C8B: variants seen among roughly 807,000 people sequenced by gnomAD.
C8B encodes complement component C8 beta chain.
C8B carries 67 observed loss-of-function variants against 64.6 expected under a neutral mutation model. The ratio of observed to expected loss-of-function variants is 1.04; its 90% CI spans 0.85 to 1.27. The LOEUF is 1.27. C8B is among the 50% of genes most tolerant of loss of function. The pLI is 0.00. For missense variants in C8B, 790 were observed against 725.2 expected (o/e 1.09, Z -1.03); for synonymous variants, 284 against 257.7 (o/e 1.10, Z -0.98).
chr1:56,941,080 C>A (rs1644847570), intron 8 of C8B, 68 bp from the exon 9 acceptor site: 1 of 1,559,602 alleles, frequency 6.4e-7, no homozygotes, highest in Non-Finnish European at 8.8e-7. Context: ...TGCTGCAACC[C>A]AACCAACAAT....
At chr1:56,938,424 T>C (rs1420188386) in intron 9 of C8B, among the ~76,000 whole-genome samples, 1 of 152,264 alleles carries the variant, frequency 6.6e-6, no homozygotes, top group Non-Finnish European at 1.5e-5. Context: ...TCAGCTTTTA[T>C]TTCATAAATT....
chr1:56,956,812 G>T lies in C8B; in HGVS notation c.348C>A (p.Cys116Ter), dbSNP rs753002884. Residue 116 changes from cysteine to a stop codon, truncating the protein, a stop_gained, in exon 3 of 12, where the codon TGC (cysteine) becomes TGA (stop). Transcript: ENST00000371237. LOFTEE classifies it high-confidence loss of function. Reference sequence around the variant, plus strand: ...AGCCTTCACATCGCACTTGACTTCCGCATGGTCTGTTGGTAACACAGTCTT... The same window carrying T: ...AGCCTTCACATCGCACTTGACTTCCTCATGGTCTGTTGGTAACACAGTCTT... ...EVEDCVTNRP[C>*]GSQVRCEGFV... The T allele has an allele frequency of 6.2e-7, 1 of 1,613,998 alleles. No homozygotes were observed. Among genetic ancestry groups the T allele is most frequent in the Non-Finnish European group, 8.5e-7 (1 of 1,179,976 alleles).
intron 10 of C8B, among the ~76,000 whole-genome samples, chr1:56,932,860 T>G (rs1367640976): frequency 6.6e-6 from 1 of 152,102 alleles, no homozygotes; most frequent in African/African-American, 2.4e-5. Context: ...GCTGGCCTCT[T>G]TTTTAGAGTC....
At chr1:56,939,359 G>T (rs1448764617) in intron 9 of C8B, among the ~76,000 whole-genome samples, 1 of 152,184 alleles carries the variant, frequency 6.6e-6, no homozygotes, top group Non-Finnish European at 1.5e-5. Flanking sequence ...TGTTGAGTAA[G>T]TGCAAAGGAG....
At position 56,940,903 on chromosome 1, in the gene C8B, C is replaced by T. The variant is rs745400077; in HGVS notation, c.1344G>A (p.Leu448=). The T allele has an allele frequency of 2.5e-6, 4 of 1,614,058 alleles. No homozygotes were observed. Among genetic ancestry groups the T allele is most frequent in the South Asian group, 1.1e-5 (1 of 91,070 alleles). ...LAYQELPTAD[L]MQEWGDAVQY... ...GCACAGCGTCTCCCCACTCCTGCAT[C>T]AGGTCCGCCGTCGGCAGCTCCTGGT... Residue 448 remains leucine, a synonymous_variant, in exon 9 of 12, where the codon CTG becomes CTA. Coordinates refer to ENST00000371237, the MANE Select transcript of C8B (RefSeq NM_000066.4).
rs369517511 is a variant in C8B at position 56,954,709 on chromosome 1, C to G, written c.510G>C (p.Trp170Cys). 6 of 1,614,066 alleles carry G rather than the reference C, an allele frequency of 3.7e-6. No homozygotes were observed. In the African/African-American group the frequency reaches 8.0e-5, roughly 22 times the overall value. The change falls in exon 4 of 12, where the codon TGG (tryptophan) becomes TGC (cysteine). Residue 170 changes from tryptophan (W) to cysteine (C), a missense_variant. By Grantham distance (215) the Trp-to-Cys change is radical. Transcript: ENST00000371237. ...KKCQHEMDQY[W>C]GIGSLASGIN... ...ACCCACTGGCCAGACTGCCAATTCC[C>G]CAGTATTGGTCCATTTCATGCTGAC...
At position 56,952,134 on chromosome 1, in the gene C8B, T is replaced by C. The variant is rs1187504067; in HGVS notation, c.580A>G (p.Arg194Gly). 2 of 1,614,182 alleles carry C rather than the reference T, an allele frequency of 1.2e-6. No individual in the cohort carries two copies. The highest frequency in any genetic ancestry group is 1.7e-6 in the Non-Finnish European group (2 of 1,179,994). The change falls in exon 5 of 12, where the codon AGG (arginine) becomes GGG (glycine). Residue 194 changes from arginine to glycine, a missense_variant. Coordinates refer to ENST00000371237, the MANE Select transcript of C8B (RefSeq NM_000066.4). ...GGGGAGCATCCACCTGCATAATACCTGTGATCAAGAACTGGGCCCTCAAAA... is the reference window on the plus strand; with the variant it reads ...GGGGAGCATCCACCTGCATAATACCCGTGATCAAGAACTGGGCCCTCAAAA... The part of the protein sequence containing the change: ...NSFEGPVLDH[R>G]YYAGGCSPHY...
chr1:56,936,302 G>A (rs1644773723), intron 9 of C8B, among the ~76,000 whole-genome samples: 1 of 152,108 alleles, frequency 6.6e-6, no homozygotes, highest in Admixed American at 6.6e-5. Flanking sequence ...TCTCATCACA[G>A]TCAATGTCAT....
At chr1:56,934,354 G>C (rs1365619225) in intron 9 of C8B, among the ~76,000 whole-genome samples, 1 of 152,134 alleles carries the variant, frequency 6.6e-6, no homozygotes, top group East Asian at 1.9e-4. Flanking sequence ...GAAGCATAGA[G>C]GAAGAATCAG....
chr1:56,932,767 G>T (rs763584432), intron 10 of C8B, among the ~76,000 whole-genome samples: 1 of 152,124 alleles, frequency 6.6e-6, no homozygotes, highest in Non-Finnish European at 1.5e-5. Flanking sequence ...TCATCCACGT[G>T]GGCTCTGCCT....
At chr1:56,941,461 GACAGATAA>G (rs1230148962) in intron 8 of C8B, among the ~76,000 whole-genome samples, 1 of 151,886 alleles carries the variant, frequency 6.6e-6, no homozygotes, top group African/African-American at 2.4e-5. Context: ...AAGATAGACA[GACAGATAA>G]ATAGATAGAT....
rs56761445 is a variant in C8B at position 56,965,398 on chromosome 1, AGT to A, written c.92+457_92+458del. ...GGGGGTGAGAGAGAGAGAGAGAGAG[AGT>A]GTGTGTGTGTGTGTGTGTGTGTGTA... On this transcript the variant is annotated intron_variant, in intron 1 of 11. Coordinates refer to ENST00000371237, the MANE Select transcript of C8B (RefSeq NM_000066.4). Among the ~76,000 whole-genome samples, 1,024 of 142,656 alleles carry A rather than the reference AGT, an allele frequency of 7.2e-3. 14 individuals carry two copies. The highest frequency in any genetic ancestry group is 0.026 in the African/African-American group (973 of 37,682). 93.6% of individuals were successfully genotyped at this position (142,656 alleles called of 152,430 possible). A position where few individuals can be genotyped will look rare whatever the true frequency, so the allele number is the denominator to read the frequency against.
chr1:56,943,696 C>T lies in C8B; in HGVS notation c.1234G>A (p.Asp412Asn). The change falls in exon 8 of 12, where the codon GAC (aspartate) becomes AAC (asparagine). Residue 412 changes from aspartate (D) to asparagine (N), a missense_variant and splice_region_variant. Transcript: ENST00000371237. ...GAAGTCACAAGCCCCTGTCACTCACCTTTTATTTCATTCAGAATACCTCTG... is the reference window on the plus strand; with the variant it reads ...GAAGTCACAAGCCCCTGTCACTCACTTTTTATTTCATTCAGAATACCTCTG... ...KCRGILNEIKDRNKRDTMVED... is the reference protein window; with the variant it reads ...KCRGILNEIKNRNKRDTMVED... 6.2e-7 allele frequency: 1 copy of T among 1,614,046 alleles called. No individual in the cohort carries two copies. The highest frequency in any genetic ancestry group is 8.5e-7 in the Non-Finnish European group (1 of 1,179,964).
chr1:56,952,511 A>G (rs979923062), intron 4 of C8B, among the ~76,000 whole-genome samples: 2 of 152,172 alleles, frequency 1.3e-5, no homozygotes, highest in African/African-American at 2.4e-5. Context: ...TGTTGCCACT[A>G]TGGTGAGAGG....
At chr1:56,959,974 C>CA in intron 2 of C8B, 46 bp downstream of exon 2, 1 of 1,612,072 alleles carries the variant, frequency 6.2e-7, no homozygotes, top group South Asian at 1.1e-5. Context: ...TTGCTGGGGA[C>CA]AAAGGCTCCT....
intron 9 of C8B, among the ~76,000 whole-genome samples, chr1:56,937,236 G>A (rs1446102027): frequency 6.6e-6 from 1 of 152,150 alleles, no homozygotes; most frequent in Non-Finnish European, 1.5e-5. Flanking sequence ...AACAGAGTGA[G>A]GTGACTTGTC....
chr1:56,946,005 T>A lies in C8B; in HGVS notation c.921A>T (p.Lys307Asn), dbSNP rs753647247. The A allele has an allele frequency of 1.2e-6, 2 of 1,614,118 alleles. No homozygotes were observed. The highest frequency in any genetic ancestry group is 2.2e-5 in the East Asian group (1 of 44,864). Residue 307 changes from lysine (K) to asparagine (N), a missense_variant, in exon 7 of 12, where the codon AAA (lysine) becomes AAT (asparagine). By Grantham distance (94) the Lys-to-Asn change is moderately conservative. Coordinates refer to ENST00000371237, the MANE Select transcript of C8B (RefSeq NM_000066.4). ...CGTAATGGAGCATGAGGCTTCTGGG[T>A]TTCAGCTTGTAATGTGCTACTTCAA... The part of the protein sequence containing the change: ...SDLEVAHYKL[K>N]PRSLMLHYEF...
chr1:56,962,655 T>C (rs1645194728), intron 1 of C8B, among the ~76,000 whole-genome samples: 1 of 152,244 alleles, frequency 6.6e-6, no homozygotes, highest in Non-Finnish European at 1.5e-5. Flanking sequence ...TTGGCAGTTG[T>C]TCACACTTTG....
Position 56,929,464 on chromosome 1 carries a change from A to C in C8B, c.1716T>G (p.Pro572=), listed in dbSNP as rs149900569. The part of the protein sequence containing the change: ...KTRQRQCNNP[P]PQNGGSPCSG... ...AACAGGGGCTACCCCCATTTTGAGG[A>C]GGTGGATTGTTACACTGCCTTTGTC... is the stretch of plus-strand genomic sequence containing the variant. The change falls in exon 12 of 12, where the codon CCT becomes CCG. Residue 572 remains proline, a synonymous_variant. Transcript: ENST00000371237. 2,131 of 1,613,074 alleles carry C rather than the reference A, an allele frequency of 1.3e-3. 2 individuals are homozygous for C. Among genetic ancestry groups the C allele is most frequent in the Non-Finnish European group, 1.7e-3 (2,005 of 1,179,918 alleles).
Sources: gnomAD v4.1 joint callset for allele counts (sites outside exome capture counted in the v4.1 genomes callset) on GRCh38, gnomAD v4.1.1 for gene constraint, MANE v1.5 for transcripts, NCBI Gene and HGNC (gene_info 2026-07-23, HGNC 2026-07-21) for gene names.